Variants in TBCA observed in about 807,000 individuals in gnomAD.
The protein encoded by TBCA is tubulin folding cofactor A.
Under a neutral mutation model 15.8 loss-of-function variants are expected in TBCA, and 6 were observed. The observed-to-expected ratio is 0.38, with a 90% confidence interval of 0.21 to 0.75. The LOEUF (loss-of-function observed/expected upper bound fraction) is 0.75, where lower values mean the gene tolerates loss of function less well. Ranked by LOEUF, TBCA falls within the 30% of genes least tolerant of loss-of-function variation. The pLI is 0.46. For missense variants in TBCA, 90 were observed against 131.2 expected, an observed-to-expected ratio of 0.69 and a Z score of 1.53; for synonymous variants, 32 against 42.3, an observed-to-expected ratio of 0.76 and a Z score of 0.94.
At chr5:77,695,172 C>T (rs531340929) in intron 2 of TBCA, among the ~76,000 whole-genome samples, 1 of 152,160 alleles carries the variant, frequency 6.6e-6, no homozygotes, top group African/African-American at 2.4e-5. Flanking sequence ...TAAGTTTTAG[C>T]CACCAAAAAA....
chr5:77,767,934 G>A (rs1378834678), intron 1 of TBCA, among the ~76,000 whole-genome samples: 3 of 152,204 alleles, frequency 2.0e-5, no homozygotes, highest in Non-Finnish European at 4.4e-5. Flanking sequence ...TAGGTGATTA[G>A]GTAATGAGGT....
At chr5:77,758,984 C>A (rs1001545019) in intron 1 of TBCA, among the ~76,000 whole-genome samples, 12 of 152,310 alleles carry the variant, frequency 7.9e-5, no homozygotes, top group African/African-American at 2.6e-4. Flanking sequence ...CTGGCACCAA[C>A]TGCCGATTAT....
chr5:77,761,238 G>A (rs369344420), intron 1 of TBCA, among the ~76,000 whole-genome samples: 11 of 152,066 alleles, frequency 7.2e-5, no homozygotes, highest in East Asian at 5.8e-4. Context: ...GATTGTTACC[G>A]TGTCTGTGTA....
intron 1 of TBCA, among the ~76,000 whole-genome samples, chr5:77,726,933 G>C (rs1746641458): frequency 6.6e-6 from 1 of 152,030 alleles, no homozygotes; most frequent in Non-Finnish European, 1.5e-5. Flanking sequence ...ATATGCCCAG[G>C]TTATGGTATT....
chr5:77,728,255 C>T (rs1746675207), intron 1 of TBCA, among the ~76,000 whole-genome samples: 1 of 152,012 alleles, frequency 6.6e-6, no homozygotes, highest in Non-Finnish European at 1.5e-5. Context: ...GAAAAAGAGG[C>T]CCCCAGAAAG....
chr5:77,732,550 CA>C lies in TBCA; in HGVS notation c.54-24204del, dbSNP rs35780694. Among the ~76,000 whole-genome samples, 302 of 89,450 alleles carry C rather than the reference CA, an allele frequency of 3.4e-3. 1 individual carries two copies. The highest frequency in any genetic ancestry group is 0.015 in the East Asian group (44 of 2,914). The allele number at this position is 89,450 out of a possible 152,430, so 58.7% of individuals were successfully genotyped here. Reference sequence around the variant, plus strand: ...TGGGCGACAGAGTGAGACTCTGTCTCAAAAAAAAAAAAAAAAAAAAAAAAAA... The same window carrying C: ...TGGGCGACAGAGTGAGACTCTGTCTCAAAAAAAAAAAAAAAAAAAAAAAAA... On this transcript the variant is annotated intron_variant, in intron 1 of 3. Transcript: ENST00000380377.
At chr5:77,733,542 T>C (rs914404843) in intron 1 of TBCA, among the ~76,000 whole-genome samples, 2 of 152,222 alleles carry the variant, frequency 1.3e-5, no homozygotes, top group Admixed American at 6.5e-5. Flanking sequence ...TAACCAAAGC[T>C]GAATCCAGAG....
At chr5:77,699,924 G>A (rs1745968024) in intron 2 of TBCA, among the ~76,000 whole-genome samples, 1 of 150,226 alleles carries the variant, frequency 6.7e-6, no homozygotes, top group Admixed American at 6.7e-5. Context: ...TATAATCCCA[G>A]CTACTAGGGA....
chr5:77,753,959 T>C (rs546185079), intron 1 of TBCA, among the ~76,000 whole-genome samples: 1 of 152,322 alleles, frequency 6.6e-6, no homozygotes, highest in African/African-American at 2.4e-5. Context: ...TTTCACCATG[T>C]TGGCCACGCT....
chr5:77,735,735 T>C (rs1746885609), intron 1 of TBCA, among the ~76,000 whole-genome samples: 1 of 152,214 alleles, frequency 6.6e-6, no homozygotes, highest in South Asian at 2.1e-4. Flanking sequence ...CAAGTTTATT[T>C]GGCTTAATTT....
rs1374957862 is a variant in TBCA, at chr5:77,691,426, C to T, written c.319G>A (p.Glu107Lys). The T allele has an allele frequency of 1.3e-6, 2 of 1,595,318 alleles. No homozygotes were observed. Among genetic ancestry groups the T allele is most frequent in the African/African-American group, 1.4e-5 (1 of 73,770 alleles). Residue 107 changes from glutamate (E) to lysine (K), a missense_variant, in exon 4 of 4, where the codon GAA (glutamate) becomes AAA (lysine). Physicochemically the swap from Glu to Lys is moderately conservative, Grantham distance 56. Coordinates refer to ENST00000380377, the MANE Select transcript of TBCA (RefSeq NM_004607.3). ...CCCATACGAGAAAAGTTTCAGGCTT[C>T]TAACTTCACTGAATCCAGTACTAAA... The part of the protein sequence containing the change: ...ARLVLDSVKL[E>K]A
intron 1 of TBCA, among the ~76,000 whole-genome samples, chr5:77,761,199 G>C (rs965665013): frequency 1.1e-4 from 16 of 151,976 alleles, no homozygotes; most frequent in African/African-American, 3.4e-4. Flanking sequence ...AAGAAAAGGG[G>C]GAAATGTGGG....
At chr5:77,767,579 A>G (rs1166678479) in intron 1 of TBCA, among the ~76,000 whole-genome samples, 1 of 152,204 alleles carries the variant, frequency 6.6e-6, no homozygotes, top group Non-Finnish European at 1.5e-5. Flanking sequence ...GCTTGGGGGT[A>G]GGGAATCACT....
At chr5:77,754,235 C>T (rs1449111076) in intron 1 of TBCA, among the ~76,000 whole-genome samples, 1 of 152,162 alleles carries the variant, frequency 6.6e-6, no homozygotes, top group African/African-American at 2.4e-5. Context: ...AATTACTTTT[C>T]TTTAACCTTT....
intron 1 of TBCA, among the ~76,000 whole-genome samples, chr5:77,736,870 C>G (rs957165670): frequency 6.6e-6 from 1 of 152,208 alleles, no homozygotes; most frequent in Non-Finnish European, 1.5e-5. Flanking sequence ...CAAATAGTAA[C>G]TCAACAGTCA....
chr5:77,760,234 CA>C (rs1747579213), intron 1 of TBCA, among the ~76,000 whole-genome samples: 1 of 151,998 alleles, frequency 6.6e-6, no homozygotes, highest in Non-Finnish European at 1.5e-5. Context: ...AAAGCAACAG[CA>C]GAATTTAGAA....
At chr5:77,754,510 A>G (rs967039475) in intron 1 of TBCA, among the ~76,000 whole-genome samples, 2 of 152,210 alleles carry the variant, frequency 1.3e-5, no homozygotes, top group African/African-American at 4.8e-5. Context: ...ATTCCACTAC[A>G]TTTACTTAAC....
chr5:77,751,200 T>C (rs1747327787), intron 1 of TBCA, among the ~76,000 whole-genome samples: 1 of 148,534 alleles, frequency 6.7e-6, no homozygotes, highest in East Asian at 2.0e-4. Context: ...AGTTTCGCTC[T>C]TGTTGCCCTG....
chr5:77,758,707 A>T (rs570617004), intron 1 of TBCA, among the ~76,000 whole-genome samples: 6 of 150,862 alleles, frequency 4.0e-5, no homozygotes, highest in African/African-American at 1.5e-4. Context: ...TACACTTGGG[A>T]GGTGAGCATG....
Sources: gnomAD v4.1 joint callset for allele counts (sites outside exome capture counted in the v4.1 genomes callset) on GRCh38, gnomAD v4.1.1 for gene constraint, MANE v1.5 for transcripts, NCBI Gene and HGNC (gene_info 2026-07-23, HGNC 2026-07-21) for gene names.